RPN1: variants seen among roughly 807,000 people sequenced by gnomAD.
The protein encoded by RPN1 is ribophorin I.
Under a neutral mutation model 55.5 loss-of-function variants are expected in RPN1, and 12 were observed. The ratio of observed to expected loss-of-function variants is 0.22; its 90% confidence interval spans 0.14 to 0.35. The LOEUF (loss-of-function observed/expected upper bound fraction) is 0.35, where lower values mean the gene tolerates loss of function less well. RPN1 is among the 10% of genes least tolerant of loss of function. RPN1 has a pLI of 1.00. For synonymous variants in RPN1, 317 were observed against 305.9 expected (o/e 1.04, Z -0.38); for missense variants, 679 against 761.3 (o/e 0.89, Z 1.27).
At chr3:128,640,386 T>C (rs1426079048) in intron 2 of RPN1, among the ~76,000 whole-genome samples, 2 of 152,212 alleles carry the variant, frequency 1.3e-5, no homozygotes, top group East Asian at 1.9e-4. Flanking sequence ...AACACAAAAC[T>C]TGCATGTCTT....
Position 128,622,313 on chromosome 3 carries a change from C to T in RPN1, c.1492G>A (p.Glu498Lys), listed in dbSNP as rs774796099. The T allele has an allele frequency of 1.9e-6, 3 of 1,614,062 alleles. No individual in the cohort carries two copies. The highest frequency in any genetic ancestry group is 3.3e-5 in the Admixed American group (2 of 60,000). Residue 498 changes from glutamate (E) to lysine (K), a missense_variant, in exon 9 of 10, where the codon GAG becomes AAG. Physicochemically the swap from Glu to Lys is moderately conservative, Grantham distance 56 (BLOSUM62 1). Transcript: ENST00000296255. Reference sequence around the variant, plus strand: ...GATTGCTTGTACCTATTGACGGTCTCGTCAAAGTGACGGTAAAGGCCTATT... The same window carrying T: ...GATTGCTTGTACCTATTGACGGTCTTGTCAAAGTGACGGTAAAGGCCTATT... ...KRIGLYRHFD[E>K]TVNRYKQSRD...
In RPN1 at chr3:128,637,828, G is replaced by T. The variant is rs1200091190; in HGVS notation, c.604C>A (p.Pro202Thr). ...CTATAGGCAGGCACATCTCTGAAAG[G>T]CCCATAATCCAGTAGGTCCTCAGAG... ...TRSEDLLDYG[P>T]FRDVPAYSQD... is the part of the protein sequence containing the mutation. Residue 202 changes from proline (P) to threonine (T), a missense_variant, in exon 3 of 10, where the codon CCT (proline) becomes ACT (threonine). By Grantham distance (38) the Pro-to-Thr change is conservative. Transcript: ENST00000296255. 6.2e-7 allele frequency: 1 copy of T among 1,612,974 alleles called. No homozygotes were observed. Among genetic ancestry groups the T allele is most frequent in the African/African-American group, 1.3e-5 (1 of 74,894 alleles).
chr3:128,625,158 T>C (rs772317078), intron 8 of RPN1, among the ~76,000 whole-genome samples: 56 of 151,382 alleles, frequency 3.7e-4, no homozygotes, highest in Non-Finnish European at 6.9e-4. Context: ...TGGTTTCTGC[T>C]CCCAACAAGG....
chr3:128,650,417 C>G, intron 1 of RPN1, 123 bp downstream of exon 1: 1 of 1,059,786 alleles, frequency 9.4e-7, no homozygotes, highest in Non-Finnish European at 1.3e-6. Context: ...CCCTGTGCCC[C>G]GCCCGCCGCC....
rs142951968 is a variant in RPN1 at position 128,620,435 on chromosome 3, G to A, written c.1800C>T (p.Ile600=). Residue 600 remains isoleucine (I), a synonymous_variant, in exon 10 of 10, where the codon ATC becomes ATT. Transcript: ENST00000296255. ...GCTACAGGGCATCCAGGATGTGGTCGATCTTGGTGACCAGCTCCTGGCGCT... is the reference window on the plus strand; with the variant it reads ...GCTACAGGGCATCCAGGATGTGGTCAATCTTGGTGACCAGCTCCTGGCGCT... ...SGKRQELVTK[I]DHILDAL The A allele has an allele frequency of 3.9e-5, 63 of 1,613,854 alleles. No individual in the cohort carries two copies. In the Middle Eastern group the frequency reaches 6.6e-4, roughly 17 times the overall value.
chr3:128,641,533 CTTT>C (rs2069724749), intron 2 of RPN1, among the ~76,000 whole-genome samples: 1 of 150,628 alleles, frequency 6.6e-6, no homozygotes, highest in African/African-American at 2.4e-5. Flanking sequence ...CATTAGCCTT[CTTT>C]GTGATTAATT....
intron 1 of RPN1, among the ~76,000 whole-genome samples, chr3:128,648,764 C>A (rs2069788687): frequency 6.6e-6 from 1 of 152,114 alleles, no homozygotes; most frequent in South Asian, 2.1e-4. Flanking sequence ...TTAAATAAAT[C>A]TGTTAATGTG....
At chr3:128,636,271 G>GC (rs2069681625) in intron 3 of RPN1, among the ~76,000 whole-genome samples, 1 of 151,992 alleles carries the variant, frequency 6.6e-6, no homozygotes, top group Non-Finnish European at 1.5e-5. Context: ...GACCAGCCTG[G>GC]CCAACATGGA....
At chr3:128,628,455 AT>A (rs1335993254) in intron 5 of RPN1, among the ~76,000 whole-genome samples, 3 of 128,772 alleles carry the variant, frequency 2.3e-5, no homozygotes. Context: ...AACTTTAATT[AT>A]TTTTTAGAGA....
Position 128,637,863 on chromosome 3 carries a change from T to C in RPN1, c.569A>G (p.Asn190Ser). The C allele has an allele frequency of 1.2e-6, 2 of 1,614,074 alleles. No homozygotes were observed. Among genetic ancestry groups the C allele is most frequent in the Non-Finnish European group, 1.7e-6 (2 of 1,180,040 alleles). The change falls in exon 3 of 10, where the codon AAC (asparagine) becomes AGC (serine). Residue 190 changes from asparagine to serine, a missense_variant. Around this residue, in one of 3 missense-constraint regions of RPN1, gnomAD observed 352 missense variants for 352.8 expected, o/e 1.00. Transcript: ENST00000296255. ...CAGTAGGTCCTCAGAGCGCGTGGGG[T>C]TCCCCAGCTTGGTGTAGCTCTCCAC... ...RNVESYTKLG[N>S]PTRSEDLLDY...
At chr3:128,624,755 G>C (rs185221632) in intron 8 of RPN1, among the ~76,000 whole-genome samples, 1 of 151,696 alleles carries the variant, frequency 6.6e-6, no homozygotes, top group Non-Finnish European at 1.5e-5. Context: ...AGAATCGCTC[G>C]AACCCGGGAG....
chr3:128,630,197 A>G (rs923591071), intron 4 of RPN1, 54 bp from the exon 5 acceptor site: 8 of 1,276,354 alleles, frequency 6.3e-6, no homozygotes, highest in Non-Finnish European at 8.9e-6. Flanking sequence ...CTGAGAGGAA[A>G]TGATCCTAAA....
At chr3:128,633,068 AACT>A (rs1302775792) in intron 3 of RPN1, among the ~76,000 whole-genome samples, 2 of 152,186 alleles carry the variant, frequency 1.3e-5, no homozygotes, top group Non-Finnish European at 2.9e-5. Context: ...AGATTTTTAA[AACT>A]ACAATTCACT....
rs542450494 is a variant in RPN1 at position 128,620,198 on chromosome 3, A to G, written c.*213T>C. 2.6e-6 allele frequency: 1 copy of G among 384,982 alleles called. No individual in the cohort carries two copies. Among genetic ancestry groups the G allele is most frequent in the East Asian group, 3.8e-5 (1 of 26,366 alleles). 23.8% of individuals were successfully genotyped at this position (384,982 alleles called of 1,614,324 possible). Reference sequence around the variant, plus strand: ...TTTTGTTTTTAATGGGAGTTTTTTTAAAGTTTTCTTTTTTTAAAAAAAAAA... The same window carrying G: ...TTTTGTTTTTAATGGGAGTTTTTTTGAAGTTTTCTTTTTTTAAAAAAAAAA... On this transcript the variant is annotated 3_prime_UTR_variant, in exon 10 of 10. Coordinates refer to ENST00000296255, the MANE Select transcript of RPN1 (RefSeq NM_002950.4).
intron 4 of RPN1, 110 bp from the exon 5 acceptor site, chr3:128,630,253 T>C (rs1050194442): frequency 8.1e-6 from 5 of 613,538 alleles, no homozygotes; most frequent in African/African-American, 1.9e-5. Context: ...TACTACTTAA[T>C]TAAAATAGTC....
chr3:128,639,016 G>T (rs1292159821), intron 2 of RPN1, among the ~76,000 whole-genome samples: 3 of 152,096 alleles, frequency 2.0e-5, no homozygotes, highest in Admixed American at 6.6e-5. Context: ...ACAGTCGTTA[G>T]AAATATGGCT....
chr3:128,622,084 C>G, intron 9 of RPN1, 80 bp downstream of exon 9: 1 of 1,388,428 alleles, frequency 7.2e-7, no homozygotes. Context: ...AGCAAGAGAG[C>G]TGCCCAGTGT....
Position 128,627,248 on chromosome 3 carries a change from G to A in RPN1, c.1037-416C>T, listed in dbSNP as rs139369229. On this transcript the variant is annotated intron_variant, in intron 5 of 9. Coordinates refer to ENST00000296255, the MANE Select transcript of RPN1 (RefSeq NM_002950.4). ...TGAAACGGGCCTGCAGAAGGTCTACGAGTCTGCAGCAGTCTAGTCCCTGAG... is the reference window on the plus strand; with the variant it reads ...TGAAACGGGCCTGCAGAAGGTCTACAAGTCTGCAGCAGTCTAGTCCCTGAG... 1.5e-4 allele frequency: 31 copies of A among 211,152 alleles called. No homozygotes were observed. The East Asian group carries it at 2.5e-3, about 17-fold the overall frequency. The allele number at this position is 211,152 out of a possible 1,614,324, so 13.1% of individuals were successfully genotyped here. A position where few individuals can be genotyped will look rare whatever the true frequency, so the allele number is the denominator to read the frequency against.
chr3:128,647,119 GTAGTTATCTCCAA>G (rs1444411681), intron 1 of RPN1, among the ~76,000 whole-genome samples: 2 of 152,118 alleles, frequency 1.3e-5, no homozygotes, highest in Admixed American at 6.6e-5. Flanking sequence ...CTGAGAAAGA[GTAGTTATCTCCAA>G]TCATAAGACT....
Sources: gnomAD v4.1 joint callset for allele counts (sites outside exome capture counted in the v4.1 genomes callset) on GRCh38, gnomAD v4.1.1 for gene constraint, gnomAD v4.1.1 regional missense constraint, MANE v1.5 for transcripts, NCBI Gene and HGNC (gene_info 2026-07-23, HGNC 2026-07-21) for gene names.